Variants in HS6ST3 observed in about 807,000 individuals in gnomAD.
The protein encoded by HS6ST3 is heparan-sulfate 6-O-sulfotransferase 3.
In HS6ST3, 12 loss-of-function variants were observed where a neutral mutation model predicts 36.7. The ratio of observed to expected loss-of-function variants is 0.33; its 90% confidence interval spans 0.21 to 0.53. The LOEUF (loss-of-function observed/expected upper bound fraction) is 0.53. Ranked by LOEUF, HS6ST3 falls within the 20% of genes least tolerant of loss-of-function variation. HS6ST3 has a pLI of 0.95. For missense variants in HS6ST3, 584 were observed against 640.9 expected (o/e 0.91, Z 0.96); for synonymous variants, 240 against 257.5 (o/e 0.93, Z 0.65).
chr13:96,246,895 A>G (rs1042445821), intron 1 of HS6ST3, among the ~76,000 whole-genome samples: 1 of 152,116 alleles, frequency 6.6e-6, no homozygotes, highest in African/African-American at 2.4e-5. Context: ...CAGTGGGACT[A>G]TTTCTTGAGA....
At chr13:96,282,881 C>A (rs2054782625) in intron 1 of HS6ST3, among the ~76,000 whole-genome samples, 1 of 152,100 alleles carries the variant, frequency 6.6e-6, no homozygotes, top group Non-Finnish European at 1.5e-5. Flanking sequence ...CTGTTGTGAT[C>A]ATGAATTTTT....
chr13:96,183,940 C>T (rs979653053), intron 1 of HS6ST3, among the ~76,000 whole-genome samples: 2 of 152,042 alleles, frequency 1.3e-5, no homozygotes, highest in African/African-American at 2.4e-5. Context: ...TGGTGGCTCA[C>T]GCCTGTCATC....
rs141275915 is a variant in HS6ST3, at chr13:96,334,794, C to G, written c.707+243225C>G. Among the ~76,000 whole-genome samples the G allele has an allele frequency of 8.5e-5, 13 of 152,314 alleles. No individual in the cohort carries two copies. The East Asian group carries it at 2.5e-3, about 29-fold the overall frequency. ...CCACAACACTTGAGAATTATGGGAGCTACAATTCAAGATGAGACTTGGGTG... is the reference window on the plus strand; with the variant it reads ...CCACAACACTTGAGAATTATGGGAGGTACAATTCAAGATGAGACTTGGGTG... On this transcript the variant is annotated intron_variant, in intron 1 of 1. Coordinates refer to ENST00000376705, the MANE Select transcript of HS6ST3 (RefSeq NM_153456.4).
At chr13:96,562,875 C>T (rs1348706811) in intron 1 of HS6ST3, among the ~76,000 whole-genome samples, 1 of 151,868 alleles carries the variant, frequency 6.6e-6, no homozygotes, top group African/African-American at 2.4e-5. Flanking sequence ...GAGGTGCTTT[C>T]TTTGTGGCTC....
intron 1 of HS6ST3, among the ~76,000 whole-genome samples, chr13:96,743,357 C>G (rs1876488259): frequency 6.6e-6 from 1 of 152,076 alleles, no homozygotes; most frequent in Admixed American, 6.6e-5. Context: ...ATTGAACAGT[C>G]ACTCGGGCAA....
intron 1 of HS6ST3, among the ~76,000 whole-genome samples, chr13:96,150,319 A>G (rs2054078772): frequency 6.6e-6 from 1 of 152,096 alleles, no homozygotes; most frequent in Non-Finnish European, 1.5e-5. Context: ...AAGAGGCATC[A>G]TTCAGAGTGA....
intron 1 of HS6ST3, among the ~76,000 whole-genome samples, chr13:96,729,665 C>G (rs1218309350): frequency 6.6e-6 from 1 of 151,868 alleles, no homozygotes; most frequent in East Asian, 1.9e-4. Flanking sequence ...CAAAGTTTCA[C>G]CATGTTGGCC....
intron 1 of HS6ST3, among the ~76,000 whole-genome samples, chr13:96,810,507 A>T (rs761531321): frequency 6.6e-6 from 1 of 152,160 alleles, no homozygotes; most frequent in Non-Finnish European, 1.5e-5. Context: ...CAAATTCTCC[A>T]TGTTGTGTCT....
chr13:96,320,934 T>A (rs2055000014), intron 1 of HS6ST3, among the ~76,000 whole-genome samples: 1 of 152,184 alleles, frequency 6.6e-6, no homozygotes, highest in African/African-American at 2.4e-5. Context: ...CAGCTTGGCA[T>A]TTGTCTCACA....
chr13:96,658,514 C>A (rs890969299), intron 1 of HS6ST3, among the ~76,000 whole-genome samples: 2 of 151,132 alleles, frequency 1.3e-5, no homozygotes, highest in African/African-American at 4.9e-5. Flanking sequence ...AACTCCTGAT[C>A]TCAAATGATC....
At chr13:96,461,777 C>T (rs2055785514) in intron 1 of HS6ST3, among the ~76,000 whole-genome samples, 1 of 152,124 alleles carries the variant, frequency 6.6e-6, no homozygotes, top group Non-Finnish European at 1.5e-5. Flanking sequence ...TCTATACTCC[C>T]TCTGAAAAGG....
chr13:96,316,194 A>G (rs928959738), intron 1 of HS6ST3, among the ~76,000 whole-genome samples: 1 of 152,118 alleles, frequency 6.6e-6, no homozygotes, highest in Non-Finnish European at 1.5e-5. Context: ...ATACACATAT[A>G]TGCATATGCA....
At chr13:96,381,623 T>A (rs1490699480) in intron 1 of HS6ST3, among the ~76,000 whole-genome samples, 2 of 152,136 alleles carry the variant, frequency 1.3e-5, no homozygotes, top group Non-Finnish European at 2.9e-5. Flanking sequence ...CAGAGTCTGA[T>A]GCTTGGATAT....
chr13:96,570,879 A>T (rs2056298751), intron 1 of HS6ST3, among the ~76,000 whole-genome samples: 1 of 152,196 alleles, frequency 6.6e-6, no homozygotes, highest in African/African-American at 2.4e-5. Flanking sequence ...AGAGGAGGGT[A>T]CGGTTGCTTG....
intron 1 of HS6ST3, among the ~76,000 whole-genome samples, chr13:96,606,579 G>A (rs1437760883): frequency 7.0e-6 from 1 of 142,574 alleles, no homozygotes; most frequent in African/African-American, 2.6e-5. Context: ...CTGGAGGAGG[G>A]AGAGAGGGAG....
chr13:96,778,827 C>G (rs546122451), intron 1 of HS6ST3, among the ~76,000 whole-genome samples: 12 of 152,152 alleles, frequency 7.9e-5, no homozygotes, highest in African/African-American at 2.9e-4. Flanking sequence ...GGGTATCTAC[C>G]CAAAGGATTA....
At chr13:96,615,970 A>G (rs187275514) in intron 1 of HS6ST3, among the ~76,000 whole-genome samples, 24 of 152,358 alleles carry the variant, frequency 1.6e-4, no homozygotes, top group African/African-American at 4.3e-4. Context: ...ATTTAGAGAA[A>G]GGATCAAAAT....
chr13:96,555,490 T>C, intron 1 of HS6ST3, among the ~76,000 whole-genome samples: 1 of 152,114 alleles, frequency 6.6e-6, no homozygotes, highest in East Asian at 1.9e-4. Context: ...GATAGAGATA[T>C]ATAATGAGAC....
intron 1 of HS6ST3, among the ~76,000 whole-genome samples, chr13:96,575,888 A>G (rs1459012583): frequency 6.6e-6 from 1 of 152,232 alleles, no homozygotes. Context: ...GCCAGTGGGA[A>G]GAAGTGATCC....
Sources: gnomAD v4.1 joint callset for allele counts (sites outside exome capture counted in the v4.1 genomes callset) on GRCh38, gnomAD v4.1.1 for gene constraint, MANE v1.5 for transcripts, NCBI Gene and HGNC (gene_info 2026-07-23, HGNC 2026-07-21) for gene names.